FSIP1: variants seen among roughly 807,000 people sequenced by gnomAD.
The protein encoded by FSIP1 is fibrous sheath interacting protein 1.
Under a neutral mutation model 60.9 loss-of-function variants are expected in FSIP1, and 65 were observed. That is an observed-to-expected ratio of 1.07 (90% confidence interval 0.87 to 1.31). The LOEUF is 1.31. Among genes scored for constraint, FSIP1 ranks in the 40% most tolerant of loss-of-function variants. The pLI, the probability that FSIP1 is intolerant of heterozygous loss-of-function variation, is 0.00. For synonymous variants in FSIP1, 209 were observed against 221.2 expected (o/e 0.94, Z 0.49); for missense variants, 675 against 665.5 (o/e 1.01, Z -0.16).
At chr15:39,639,926 C>T (rs1313692368) in intron 10 of FSIP1, among the ~76,000 whole-genome samples, 2 of 152,166 alleles carry the variant, frequency 1.3e-5, no homozygotes, top group African/African-American at 4.8e-5. Context: ...TTTATTCCCA[C>T]TAGACTGTAA....
chr15:39,607,064 G>A (rs1420281451), intron 11 of FSIP1, among the ~76,000 whole-genome samples: 1 of 152,174 alleles, frequency 6.6e-6, no homozygotes, highest in African/African-American at 2.4e-5. Flanking sequence ...TGCAGTGGAA[G>A]CATCCTGGCC....
At chr15:39,729,581 G>GAA (rs879733756) in intron 8 of FSIP1, among the ~76,000 whole-genome samples, 1 of 149,768 alleles carries the variant, frequency 6.7e-6, no homozygotes, top group Non-Finnish European at 1.5e-5. Context: ...CTTAAGGAGA[G>GAA]AAAAAAAAAG....
At chr15:39,641,809 A>T (rs922291378) in intron 10 of FSIP1, among the ~76,000 whole-genome samples, 1 of 152,228 alleles carries the variant, frequency 6.6e-6, no homozygotes, top group African/African-American at 2.4e-5. Context: ...AGAGCTTTGC[A>T]GCAACCAGCA....
At chr15:39,685,108 T>G (rs1839768712) in intron 10 of FSIP1, among the ~76,000 whole-genome samples, 1 of 152,238 alleles carries the variant, frequency 6.6e-6, no homozygotes, top group Admixed American at 6.5e-5. Flanking sequence ...CTTTAAAATC[T>G]AAATGACTGG....
intron 11 of FSIP1, among the ~76,000 whole-genome samples, chr15:39,609,125 T>G (rs1890932393): frequency 6.6e-6 from 1 of 152,114 alleles, no homozygotes; most frequent in African/African-American, 2.4e-5. Context: ...CTAGACCACC[T>G]AGGATCAGCC....
downstream of FSIP1, chr15:39,597,863 G>A (rs1890510726): frequency 1.3e-5 from 2 of 152,192 alleles, no homozygotes; most frequent in South Asian, 4.1e-4. Flanking sequence ...TCTGACCCAC[G>A]AATGATGCCT....
rs117166722 is a variant in FSIP1, at chr15:39,740,252, T to C, written c.656-463A>G. On this transcript the variant is annotated intron_variant, in intron 6 of 11. Transcript: ENST00000350221. ...CAGTGCATTTTGTTTTGCCTGTCTT[T>C]TGAGCAAGGTCTGGGAGTTAGCGTC... Among the ~76,000 whole-genome samples the C allele has an allele frequency of 2.9e-4, 44 of 152,284 alleles. No individual in the cohort carries two copies. The East Asian group carries it at 8.3e-3, about 29-fold the overall frequency.
At chr15:39,734,058 C>T (rs564965072) in intron 8 of FSIP1, among the ~76,000 whole-genome samples, 3 of 152,138 alleles carry the variant, frequency 2.0e-5, no homozygotes, top group African/African-American at 7.2e-5. Flanking sequence ...AAAGAGCCTA[C>T]AAGGTACCAA....
At chr15:39,777,284 T>C (rs1038249369) in intron 1 of FSIP1, among the ~76,000 whole-genome samples, 5 of 152,042 alleles carry the variant, frequency 3.3e-5, no homozygotes, top group Non-Finnish European at 7.4e-5. Flanking sequence ...AGCTCTGATT[T>C]CTCCTCTCCC....
chr15:39,671,914 G>A (rs1203077318), intron 10 of FSIP1, among the ~76,000 whole-genome samples: 1 of 152,102 alleles, frequency 6.6e-6, no homozygotes, highest in Non-Finnish European at 1.5e-5. Context: ...AGAACCTGTT[G>A]CCTCAGCAGG....
intron 4 of FSIP1, 59 bp downstream of exon 4, chr15:39,765,533 C>A: frequency 7.5e-7 from 1 of 1,334,664 alleles, no homozygotes; most frequent in Non-Finnish European, 1.0e-6. Flanking sequence ...TGTGAGCCAC[C>A]ATGCCCAGCC....
At position 39,776,427 on chromosome 15, in the gene FSIP1, A is replaced by G; in HGVS notation, c.98T>C (p.Val33Ala). The G allele has an allele frequency of 1.9e-6, 3 of 1,613,724 alleles. No individual in the cohort carries two copies. Among genetic ancestry groups the G allele is most frequent in the Non-Finnish European group, 2.5e-6 (3 of 1,179,796 alleles). ...GSRSSNASLE[V>A]LSTEPGSFKV... ...GAAGGATCCTGGTTCTGTTGAGAGC[A>G]CCTCCAAAGAAGCATTTGAACTTCT... Residue 33 changes from valine (V) to alanine (A), a missense_variant, in exon 2 of 12, where the codon GTG (valine) becomes GCG (alanine). By Grantham distance (64) the Val-to-Ala change is moderately conservative. Coordinates refer to ENST00000350221, the MANE Select transcript of FSIP1 (RefSeq NM_152597.5).
rs554343150 is a variant in FSIP1, at chr15:39,703,129, T to G, written c.1188+10315A>C. Among the ~76,000 whole-genome samples, 19 of 152,132 alleles carry G rather than the reference T, an allele frequency of 1.2e-4. No homozygotes were observed. In the South Asian group the frequency reaches 3.9e-3, roughly 32 times the overall value. On this transcript the variant is annotated intron_variant, in intron 10 of 11. Coordinates refer to ENST00000350221, the MANE Select transcript of FSIP1 (RefSeq NM_152597.5). ...TCCCGAATAACTGGGATTACAGGCATGCACCACCACACCCGGCTAATTTTG... is the reference window on the plus strand; with the variant it reads ...TCCCGAATAACTGGGATTACAGGCAGGCACCACCACACCCGGCTAATTTTG...
chr15:39,658,329 T>G (rs1183607946), intron 10 of FSIP1, among the ~76,000 whole-genome samples: 1 of 148,758 alleles, frequency 6.7e-6, no homozygotes, highest in Admixed American at 6.8e-5. Flanking sequence ...CTCAGCTCAC[T>G]GCAACCGCTT....
At chr15:39,674,336 G>C (rs1447162676) in intron 10 of FSIP1, among the ~76,000 whole-genome samples, 1 of 152,312 alleles carries the variant, frequency 6.6e-6, no homozygotes, top group Admixed American at 6.5e-5. Flanking sequence ...TTACAGGCGT[G>C]AGCCACTGCA....
intron 11 of FSIP1, among the ~76,000 whole-genome samples, chr15:39,615,560 T>A (rs184786546): frequency 2.0e-5 from 3 of 152,010 alleles, no homozygotes; most frequent in Admixed American, 2.0e-4. Context: ...CAAAACGAGA[T>A]GCTACATCAC....
rs116702228 is a variant in FSIP1, at chr15:39,612,163, C to T, written c.1699+5572G>A. Among the ~76,000 whole-genome samples, 416 of 152,166 alleles carry T rather than the reference C, an allele frequency of 2.7e-3. 2 individuals are homozygous for T. The highest frequency in any genetic ancestry group is 9.4e-3 in the African/African-American group (389 of 41,528). ...GAATTACACTTTAAATCAAATGGAC[C>T]TCACATTCATATACAAAACATCACA... On this transcript the variant is annotated intron_variant, in intron 11 of 11. Transcript: ENST00000350221.
At chr15:39,726,852 A>AACAC (rs3065147) in intron 8 of FSIP1, 105 bp from the exon 9 acceptor site, 348 of 622,184 alleles carry the variant, frequency 5.6e-4, no homozygotes, top group Admixed American at 9.5e-4. Context: ...TACACACACA[A>AACAC]ACACACACAC....
At chr15:39,700,092 C>A (rs1326555300) in intron 10 of FSIP1, among the ~76,000 whole-genome samples, 1 of 152,160 alleles carries the variant, frequency 6.6e-6, no homozygotes, top group Non-Finnish European at 1.5e-5. Context: ...ATGGCATTGG[C>A]AAAAAGTCAG....
Sources: gnomAD v4.1 joint callset for allele counts (sites outside exome capture counted in the v4.1 genomes callset) on GRCh38, gnomAD v4.1.1 for gene constraint, MANE v1.5 for transcripts, NCBI Gene and HGNC (gene_info 2026-07-23, HGNC 2026-07-21) for gene names.